INPP4B: variants seen among roughly 807,000 people sequenced by gnomAD.
The protein encoded by INPP4B is inositol polyphosphate-4-phosphatase type II B.
Under a neutral mutation model 122.5 loss-of-function variants are expected in INPP4B, and 55 were observed. The observed-to-expected ratio is 0.45, with a 90% confidence interval of 0.36 to 0.56. The LOEUF (loss-of-function observed/expected upper bound fraction) is 0.56. INPP4B is among the 20% of genes least tolerant of loss of function. INPP4B has a pLI of 0.00. For synonymous variants in INPP4B, 403 were observed against 388.7 expected, an observed-to-expected ratio of 1.04 and a Z score of -0.43; for missense variants, 1,000 against 1,097.7, an observed-to-expected ratio of 0.91 and a Z score of 1.26.
At chr4:142,268,158 C>T (rs910852844) in intron 10 of INPP4B, among the ~76,000 whole-genome samples, 4 of 150,672 alleles carry the variant, frequency 2.7e-5, no homozygotes, top group East Asian at 3.9e-4. Flanking sequence ...CCCGTCTCTA[C>T]TAAAGATACA....
At position 142,479,860 on chromosome 4, in the gene INPP4B, T is replaced by C. The variant is rs530879981; in HGVS notation, c.-190-17134A>G. On this transcript the variant is annotated intron_variant, in intron 2 of 25. Coordinates refer to ENST00000262992, the MANE Select transcript of INPP4B (RefSeq NM_001101669.3). ...TTGATAAACCACCTATCAGGTACTA[T>C]GCTTATTACCTGGTTGATGATATAA... 2.0e-5 allele frequency among the ~76,000 whole-genome samples: 3 copies of C among 152,180 alleles called. No homozygotes were observed. In the South Asian group the frequency reaches 6.2e-4, roughly 32 times the overall value.
Position 142,382,280 on chromosome 4 carries a change from G to A in INPP4B, c.372+20658C>T, listed in dbSNP as rs1038972019. ...TCCCAATACTTTGGGAGGCCAAGGC[G>A]GGTGGATCACCTGAGATCAGGAGTT... On this transcript the variant is annotated intron_variant, in intron 7 of 25. Coordinates refer to ENST00000262992, the MANE Select transcript of INPP4B (RefSeq NM_001101669.3). Among the ~76,000 whole-genome samples the A allele has an allele frequency of 6.3e-4, 95 of 151,924 alleles. 1 individual carries two copies. Among genetic ancestry groups the A allele is most frequent in the African/African-American group, 2.1e-3 (89 of 41,504 alleles).
rs72944978 is a variant in INPP4B at position 142,423,124 on chromosome 4, T to C, written c.136+6049A>G. Among the ~76,000 whole-genome samples the C allele has an allele frequency of 2.3e-3, 352 of 152,192 alleles. 1 individual carries two copies. Among genetic ancestry groups the C allele is most frequent in the African/African-American group, 8.0e-3 (332 of 41,536 alleles). On this transcript the variant is annotated intron_variant, in intron 5 of 25. Transcript: ENST00000262992. ...TAAAAAAGTCAGAGCTCTATAATCA[T>C]TTATAGAACACAGACCAGCAAGAGA...
intron 2 of INPP4B, among the ~76,000 whole-genome samples, chr4:142,702,197 A>AT (rs1168555937): frequency 1.3e-5 from 2 of 152,148 alleles, no homozygotes. Context: ...TTTAAAAAAA[A>AT]AAAAATCATT....
In INPP4B at chr4:142,027,700, T is replaced by A. The variant is rs1332269347; in HGVS notation, c.*1082A>T. ...CCTTACCCATGTTTGAATACTGGTA[T>A]TATACAAGATGATTTTTTTAAGGAA... On this transcript the variant is annotated 3_prime_UTR_variant, in exon 26 of 26. Transcript: ENST00000262992. The A allele has an allele frequency of 1.3e-5, 2 of 152,424 alleles. No homozygotes were observed. The highest frequency in any genetic ancestry group is 2.9e-5 in the Non-Finnish European group (2 of 68,166). The allele number at this position is 152,424 out of a possible 1,614,324, so 9.4% of individuals were successfully genotyped here. A position where few individuals can be genotyped will look rare whatever the true frequency, so the allele number is the denominator to read the frequency against.
At chr4:142,753,103 G>A (rs964401049) in intron 1 of INPP4B, among the ~76,000 whole-genome samples, 4 of 152,002 alleles carry the variant, frequency 2.6e-5, no homozygotes, top group Non-Finnish European at 5.9e-5. Flanking sequence ...TTTTTAGTAA[G>A]AATAAGCATT....
chr4:142,322,484 T>C (rs554841728), intron 7 of INPP4B, among the ~76,000 whole-genome samples: 26 of 152,168 alleles, frequency 1.7e-4, no homozygotes, highest in Middle Eastern at 3.4e-3. Context: ...TTTGAGACAA[T>C]AGGAATTGGA....
At chr4:142,091,228 T>C (rs547554052) in intron 23 of INPP4B, among the ~76,000 whole-genome samples, 2 of 152,304 alleles carry the variant, frequency 1.3e-5, no homozygotes, top group East Asian at 3.9e-4. Flanking sequence ...TGTTTGAAAC[T>C]TTTATAATTG....
chr4:142,697,880 TAAC>T (rs1761225151), intron 2 of INPP4B, among the ~76,000 whole-genome samples: 1 of 152,252 alleles, frequency 6.6e-6, no homozygotes, highest in Admixed American at 6.5e-5. Context: ...CATATGTAAA[TAAC>T]AATAATAATA....
At chr4:142,369,625 A>AATAAAT (rs1403168653) in intron 7 of INPP4B, among the ~76,000 whole-genome samples, 31 of 146,536 alleles carry the variant, frequency 2.1e-4, no homozygotes, top group Non-Finnish European at 3.6e-4. Context: ...TAAAAATAAA[A>AATAAAT]AAATAAAAAA....
intron 2 of INPP4B, among the ~76,000 whole-genome samples, chr4:142,561,862 C>T (rs376711521): frequency 1.4e-4 from 21 of 152,042 alleles, no homozygotes; most frequent in East Asian, 3.8e-4. Flanking sequence ...TGTTTATGTG[C>T]GCACTGTAAA....
intron 7 of INPP4B, among the ~76,000 whole-genome samples, chr4:142,396,292 T>C (rs2149061190): frequency 6.6e-6 from 1 of 152,136 alleles, no homozygotes; most frequent in Non-Finnish European, 1.5e-5. Context: ...TTTTAATAAA[T>C]AGGCAAAAGA....
intron 1 of INPP4B, among the ~76,000 whole-genome samples, chr4:142,759,952 A>G (rs971456651): frequency 2.6e-5 from 4 of 151,950 alleles, no homozygotes; most frequent in African/African-American, 9.7e-5. Flanking sequence ...GGGGCAGGAG[A>G]AAAGGGGGGC....
At chr4:142,634,167 T>C (rs1748604046) in intron 2 of INPP4B, among the ~76,000 whole-genome samples, 1 of 152,162 alleles carries the variant, frequency 6.6e-6, no homozygotes, top group Non-Finnish European at 1.5e-5. Context: ...AATAAATAGA[T>C]AATCTGAATA....
intron 2 of INPP4B, among the ~76,000 whole-genome samples, chr4:142,570,869 CT>C (rs111478095): frequency 1.2e-4 from 18 of 151,948 alleles, no homozygotes; most frequent in African/African-American, 3.4e-4. Flanking sequence ...ACTTTCACCC[CT>C]AAGACATATT....
intron 1 of INPP4B, among the ~76,000 whole-genome samples, chr4:142,836,828 A>G (rs1034267205): frequency 1.3e-5 from 2 of 152,136 alleles, no homozygotes; most frequent in African/African-American, 4.8e-5. Context: ...CATAAATGAC[A>G]ACGGGTCAGT....
intron 2 of INPP4B, among the ~76,000 whole-genome samples, chr4:142,632,822 TAGA>T (rs1748263242): frequency 6.6e-6 from 1 of 151,646 alleles, no homozygotes; most frequent in Non-Finnish European, 1.5e-5. Context: ...CTAAAAATGG[TAGA>T]AGAATATACA....
chr4:142,499,122 AAC>A (rs1296438053), intron 2 of INPP4B, among the ~76,000 whole-genome samples: 1 of 152,166 alleles, frequency 6.6e-6, no homozygotes, highest in Non-Finnish European at 1.5e-5. Context: ...TAAAGCAGAA[AAC>A]ACTCCTTCAT....
chr4:142,768,410 A>G (rs1188812649), intron 1 of INPP4B, among the ~76,000 whole-genome samples: 1 of 152,200 alleles, frequency 6.6e-6, no homozygotes, highest in Non-Finnish European at 1.5e-5. Flanking sequence ...GTAGATAGCA[A>G]CACACTCTGC....
Sources: allele counts gnomAD v4.1 joint callset (sites outside exome capture counted in the v4.1 genomes callset), GRCh38; gene constraint gnomAD v4.1.1; transcripts MANE v1.5; gene names NCBI Gene and HGNC (gene_info 2026-07-23, HGNC 2026-07-21).